Variants in TBC1D32 observed in about 807,000 individuals in gnomAD.
The protein encoded by TBC1D32 is protein broad-minded.
A neutral mutation model predicts 170.3 loss-of-function variants in TBC1D32; 151 were observed. The observed-to-expected ratio is 0.89, with a 90% CI of 0.78 to 1.01. TBC1D32 has a LOEUF of 1.01. TBC1D32 is among the 50% of genes least tolerant of loss of function. TBC1D32 has a pLI of 0.00. For synonymous variants in TBC1D32, 498 were observed against 488.0 expected, an observed-to-expected ratio of 1.02 and a Z score of -0.27; for missense variants, 1,464 against 1,457.1, an observed-to-expected ratio of 1.00 and a Z score of -0.08.
intron 22 of TBC1D32, 107 bp downstream of exon 22, chr6:121,204,968 T>C: frequency 1.7e-6 from 1 of 603,260 alleles, no homozygotes; most frequent in Non-Finnish European, 2.7e-6. Flanking sequence ...TTAAGCATGC[T>C]TTTAAATATT....
intron 17 of TBC1D32, among the ~76,000 whole-genome samples, chr6:121,242,927 A>G (rs1797173370): frequency 1.3e-5 from 2 of 152,210 alleles, no homozygotes; most frequent in African/African-American, 4.8e-5. Flanking sequence ...GCTTAGTCCA[A>G]GTGTGCTAAA....
At chr6:121,233,697 C>T (rs539872635) in intron 20 of TBC1D32, among the ~76,000 whole-genome samples, 5 of 152,190 alleles carry the variant, frequency 3.3e-5, no homozygotes, top group African/African-American at 1.2e-4. Context: ...GCATTTAGGC[C>T]ATTTACATTC....
At chr6:121,288,341 A>G (rs1804236447) in intron 12 of TBC1D32, among the ~76,000 whole-genome samples, 1 of 152,208 alleles carries the variant, frequency 6.6e-6, no homozygotes, top group African/African-American at 2.4e-5. Context: ...ATCCCACAGA[A>G]ATACAAACTA....
intron 19 of TBC1D32, among the ~76,000 whole-genome samples, chr6:121,239,871 A>C (rs1214215399): frequency 1.3e-5 from 2 of 152,204 alleles, no homozygotes; most frequent in Non-Finnish European, 2.9e-5. Flanking sequence ...AAGTAAGTTC[A>C]TAACAACAAT....
chr6:121,321,829 TATC>T lies in TBC1D32; in HGVS notation c.156-38_156-36del, dbSNP rs762468588. Reference sequence around the variant, plus strand: ...ATATTTAGAAAATAAATGCGGTAAATATCATAAGCATATTCAGAAAAAAAAATC... The same window carrying T: ...ATATTTAGAAAATAAATGCGGTAAATATAAGCATATTCAGAAAAAAAAATC... On this transcript the variant is annotated intron_variant, in intron 1 of 31. Transcript: ENST00000398212. The T allele has an allele frequency of 5.5e-5, 86 of 1,568,968 alleles. No homozygotes were observed. The Admixed American group carries it at 1.4e-3, about 26-fold the overall frequency.
intron 17 of TBC1D32, among the ~76,000 whole-genome samples, chr6:121,245,319 G>A (rs944163294): frequency 2.0e-5 from 3 of 152,170 alleles, no homozygotes; most frequent in African/African-American, 7.2e-5. Context: ...CCTGGAGCCT[G>A]GCAGCCCTAC....
chr6:121,281,434 T>C (rs1802962339), intron 14 of TBC1D32, 110 bp downstream of exon 14: 4 of 765,144 alleles, frequency 5.2e-6, no homozygotes, highest in Admixed American at 2.9e-5. Context: ...TACATTCATA[T>C]ATGGAAGGAC....
intron 1 of TBC1D32, among the ~76,000 whole-genome samples, chr6:121,331,130 TA>T (rs1206861957): frequency 6.6e-6 from 1 of 152,230 alleles, no homozygotes; most frequent in Non-Finnish European, 1.5e-5. Context: ...TTAACTGTCT[TA>T]AAAACCATCT....
At chr6:121,171,235 A>C (rs1786939289) in intron 22 of TBC1D32, among the ~76,000 whole-genome samples, 1 of 151,646 alleles carries the variant, frequency 6.6e-6, no homozygotes, top group Non-Finnish European at 1.5e-5. Flanking sequence ...AGTTTTGAGA[A>C]TCCTACACAT....
intron 22 of TBC1D32, among the ~76,000 whole-genome samples, chr6:121,198,468 C>T (rs976961856): frequency 3.3e-5 from 5 of 150,166 alleles, no homozygotes; most frequent in African/African-American, 1.3e-4. Flanking sequence ...TAAAGAGTGA[C>T]CGGCCTGGCA....
At chr6:121,161,892 A>G (rs1378640736) in intron 22 of TBC1D32, among the ~76,000 whole-genome samples, 2 of 152,092 alleles carry the variant, frequency 1.3e-5, no homozygotes, top group Non-Finnish European at 2.9e-5. Flanking sequence ...GTGCGAGATG[A>G]TATCTCATTG....
intron 21 of TBC1D32, among the ~76,000 whole-genome samples, 156 bp from the exon 22 acceptor site, chr6:121,205,319 GAATAA>G (rs1325178898): frequency 3.9e-5 from 6 of 152,140 alleles, no homozygotes; most frequent in African/African-American, 1.4e-4. Context: ...AGAAGAAGAA[GAATAA>G]TAGTATAATG....
At chr6:121,226,877 C>A (rs185205988) in intron 20 of TBC1D32, among the ~76,000 whole-genome samples, 72 of 151,326 alleles carry the variant, frequency 4.8e-4, no homozygotes, top group Non-Finnish European at 7.9e-4. Context: ...CTATTTTAAT[C>A]CTTAATATGT....
intron 22 of TBC1D32, among the ~76,000 whole-genome samples, chr6:121,203,524 A>C (rs1171208492): frequency 6.6e-6 from 1 of 151,504 alleles, no homozygotes; most frequent in Admixed American, 6.5e-5. Flanking sequence ...GATATAAAGA[A>C]AGACATGAAG....
At chr6:121,136,329 A>C (rs917142214) in intron 24 of TBC1D32, among the ~76,000 whole-genome samples, 3 of 152,184 alleles carry the variant, frequency 2.0e-5, no homozygotes, top group Non-Finnish European at 4.4e-5. Context: ...TATCCTATGT[A>C]ATTCTATTTG....
At chr6:121,282,527 C>T (rs1168150948) in intron 13 of TBC1D32, among the ~76,000 whole-genome samples, 2 of 151,706 alleles carry the variant, frequency 1.3e-5, no homozygotes, top group African/African-American at 4.8e-5. Flanking sequence ...AACACGCTGA[C>T]TTCAGGTCAA....
intron 1 of TBC1D32, among the ~76,000 whole-genome samples, chr6:121,330,089 C>T (rs944349401): frequency 3.3e-5 from 5 of 151,966 alleles, no homozygotes; most frequent in African/African-American, 9.7e-5. Context: ...GACAGGGTCT[C>T]GCTCTGTTAC....
chr6:121,159,947 CT>C, intron 24 of TBC1D32, 62 bp downstream of exon 24: 1 of 1,168,452 alleles, frequency 8.6e-7, no homozygotes, highest in Non-Finnish European at 1.3e-6. Flanking sequence ...TTAATATTTT[CT>C]TTTTTTCAAA....
At chr6:121,081,412 G>T (rs1255099595) in intron 31 of TBC1D32, among the ~76,000 whole-genome samples, 2 of 152,064 alleles carry the variant, frequency 1.3e-5, no homozygotes, top group Non-Finnish European at 2.9e-5. Flanking sequence ...AAGAACACCC[G>T]TTTAACAGTT....
Sources: gnomAD v4.1 joint callset for allele counts (sites outside exome capture counted in the v4.1 genomes callset) on GRCh38, gnomAD v4.1.1 for gene constraint, MANE v1.5 for transcripts, NCBI Gene and HGNC (gene_info 2026-07-23, HGNC 2026-07-21) for gene names.